Variants in IQSEC1 observed in about 807,000 individuals in gnomAD.
IQSEC1 encodes the protein IQ motif and Sec7 domain ArfGEF 1, also known as IQ motif and SEC7 domain-containing protein 1.
Under a neutral mutation model 91.0 loss-of-function variants are expected in IQSEC1, and 31 were observed. The observed-to-expected ratio is 0.34, with a 90% confidence interval of 0.26 to 0.46. The LOEUF (loss-of-function observed/expected upper bound fraction) is 0.46, where lower values mean the gene tolerates loss of function less well. Ranked by LOEUF, IQSEC1 falls within the 20% of genes least tolerant of loss-of-function variation. The probability of loss-of-function intolerance (pLI) is 1.00; values close to 1 mark genes in which losing one functional copy is unlikely to be tolerated. For synonymous variants in IQSEC1, 699 were observed against 662.6 expected (o/e 1.05, Z -0.84); for missense variants, 1,388 against 1,575.6 (o/e 0.88, Z 2.02).
intron 6 of IQSEC1, among the ~76,000 whole-genome samples, chr3:12,919,747 T>C (rs1374140943): frequency 6.6e-6 from 1 of 152,224 alleles, no homozygotes; most frequent in Non-Finnish European, 1.5e-5. Context: ...ATGCGGTGCC[T>C]TCCTCCTTCC....
chr3:13,275,093 C>A (rs956839019), intron 1 of IQSEC1, among the ~76,000 whole-genome samples: 6 of 152,202 alleles, frequency 3.9e-5, no homozygotes, highest in Admixed American at 3.3e-4. Context: ...CTTCTTTGAG[C>A]CTCAGGTTTC....
At chr3:12,918,749 G>A (rs1696343766) in intron 6 of IQSEC1, among the ~76,000 whole-genome samples, 1 of 152,184 alleles carries the variant, frequency 6.6e-6, no homozygotes, top group South Asian at 2.1e-4. Context: ...TTGAGCCTGG[G>A]AGGTCAAGGC....
intron 1 of IQSEC1, among the ~76,000 whole-genome samples, chr3:13,071,698 C>T (rs774359437): frequency 6.6e-6 from 1 of 152,182 alleles, no homozygotes; most frequent in Admixed American, 6.5e-5. Flanking sequence ...TCACAGCGAA[C>T]CAGAGGCCAC....
Position 12,936,255 on chromosome 3 carries a change from G to GC in IQSEC1, c.760dup (p.Ala254GlyfsTer35). 1 of 1,613,322 alleles carries GC rather than the reference G, an allele frequency of 6.2e-7. No individual in the cohort carries two copies. The stretch of plus-strand genomic sequence containing the variant: ...GGCCCGCGCCGCATCCAGGGCCGGT[G>GC]CCTCCTCAGTGTGCAGGCTGCGGCA... On this transcript the variant is annotated frameshift_variant, in exon 3 of 14. Transcript: ENST00000613206. LOFTEE classifies it high-confidence loss of function.
chr3:13,263,565 C>A (rs866848240), intron 1 of IQSEC1, among the ~76,000 whole-genome samples: 1 of 152,082 alleles, frequency 6.6e-6, no homozygotes, highest in Non-Finnish European at 1.5e-5. Flanking sequence ...GCCTCATCCT[C>A]CCAAGTAGCT....
intron 2 of IQSEC1, among the ~76,000 whole-genome samples, chr3:13,162,424 T>C (rs780743904): frequency 1.3e-5 from 2 of 152,162 alleles, no homozygotes; most frequent in African/African-American, 2.4e-5. Flanking sequence ...GCCCCAGGGA[T>C]TGGCAACCCA....
chr3:13,129,250 T>C (rs1350474580), intron 2 of IQSEC1, among the ~76,000 whole-genome samples: 1 of 152,220 alleles, frequency 6.6e-6, no homozygotes, highest in African/African-American at 2.4e-5. Flanking sequence ...TTTTTGTTGT[T>C]GTTGTTTATT....
At chr3:13,102,301 T>A (rs951825343) in intron 2 of IQSEC1, among the ~76,000 whole-genome samples, 14 of 151,580 alleles carry the variant, frequency 9.2e-5, no homozygotes, top group Admixed American at 5.2e-4. Flanking sequence ...ATAATAATAA[T>A]AAATAACCTC....
At chr3:13,070,824 C>T (rs1705389768) in intron 1 of IQSEC1, among the ~76,000 whole-genome samples, 1 of 152,230 alleles carries the variant, frequency 6.6e-6, no homozygotes, top group Non-Finnish European at 1.5e-5. Context: ...GCCAGCCCCT[C>T]TCTTAGGCAG....
At chr3:13,090,594 G>A (rs1195645861) in intron 2 of IQSEC1, among the ~76,000 whole-genome samples, 1 of 152,172 alleles carries the variant, frequency 6.6e-6, no homozygotes, top group Non-Finnish European at 1.5e-5. Context: ...GACAGGCCTG[G>A]TGCAGGGGCA....
chr3:12,969,536 G>A lies in IQSEC1; in HGVS notation c.24-27671C>T, dbSNP rs576735815. 5.9e-5 allele frequency among the ~76,000 whole-genome samples: 9 copies of A among 152,382 alleles called. No homozygotes were observed. In the South Asian group the frequency reaches 1.7e-3, roughly 28 times the overall value. ...TTAGGGTAGGGGTAGGAAGCTGGGAGAGGATAGGGTACACATGACCCAGTT... is the reference window on the plus strand; with the variant it reads ...TTAGGGTAGGGGTAGGAAGCTGGGAAAGGATAGGGTACACATGACCCAGTT... On this transcript the variant is annotated intron_variant, in intron 1 of 13. Coordinates refer to ENST00000613206, the MANE Select transcript of IQSEC1 (RefSeq NM_001134382.3).
At chr3:13,089,955 C>T (rs562358133) in intron 2 of IQSEC1, among the ~76,000 whole-genome samples, 30 of 152,354 alleles carry the variant, frequency 2.0e-4, no homozygotes, top group African/African-American at 7.0e-4. Flanking sequence ...GTGGCTCACG[C>T]CTGTAATCCC....
intron 1 of IQSEC1, among the ~76,000 whole-genome samples, chr3:13,016,911 G>A (rs1576170482): frequency 2.0e-5 from 3 of 152,220 alleles, no homozygotes; most frequent in East Asian, 1.9e-4. Flanking sequence ...CTGGATCACG[G>A]CAAACCTACC....
At chr3:12,990,010 A>T (rs1047315752) in intron 1 of IQSEC1, among the ~76,000 whole-genome samples, 5 of 152,232 alleles carry the variant, frequency 3.3e-5, no homozygotes, top group African/African-American at 1.2e-4. Context: ...CCAAACCCTC[A>T]GTCCACTTGG....
At chr3:13,025,434 T>G (rs1703575640) in intron 1 of IQSEC1, among the ~76,000 whole-genome samples, 1 of 152,164 alleles carries the variant, frequency 6.6e-6, no homozygotes, top group Admixed American at 6.5e-5. Context: ...TCAGGGACTG[T>G]GTGCACTTGA....
At chr3:12,962,228 C>A (rs1472838358) in intron 1 of IQSEC1, among the ~76,000 whole-genome samples, 2 of 152,182 alleles carry the variant, frequency 1.3e-5, no homozygotes, top group African/African-American at 4.8e-5. Context: ...CAACAATGAT[C>A]ACAACTAACA....
chr3:13,134,662 T>C lies in IQSEC1; in HGVS notation c.302+29442A>G, dbSNP rs577437030. Among the ~76,000 whole-genome samples, 4 of 152,272 alleles carry C rather than the reference T, an allele frequency of 2.6e-5. No homozygotes were observed. The South Asian group carries it at 6.2e-4, about 24-fold the overall frequency. ...TGGGTGGCCCTAGAGGTGTGTTGCA[T>C]GAAAGGCAGGAGTTTCCAGGAAGCA... is the stretch of plus-strand genomic sequence containing the variant. On this transcript the variant is annotated intron_variant, in intron 2 of 15. Transcript: ENST00000648114.
Position 12,902,776 on chromosome 3 carries a change from C to T in IQSEC1, c.2802G>A (p.Val934=), listed in dbSNP as rs1261051526. ...GACAGAGGCGCTTCCTACTTACTTC[C>T]ACATTGCTCTCTAGCGATCCCGCAC... ...RSSAGSLESN[V]EGSIISSPHM... The change falls in exon 13 of 14, where the codon GTG becomes GTA. Residue 934 remains valine, a synonymous_variant. Coordinates refer to ENST00000613206, the MANE Select transcript of IQSEC1 (RefSeq NM_001134382.3). The T allele has an allele frequency of 1.9e-6, 3 of 1,610,286 alleles. No individual in the cohort carries two copies. The highest frequency in any genetic ancestry group is 1.7e-6 in the Non-Finnish European group (2 of 1,177,500).
intron 1 of IQSEC1, among the ~76,000 whole-genome samples, chr3:13,218,495 G>T (rs916631794): frequency 3.3e-5 from 5 of 152,242 alleles, no homozygotes; most frequent in African/African-American, 1.2e-4. Flanking sequence ...GTCTTTGGCG[G>T]GAGGTGTGGG....
Sources: allele counts gnomAD v4.1 joint callset (sites outside exome capture counted in the v4.1 genomes callset), GRCh38; gene constraint gnomAD v4.1.1; transcripts MANE v1.5; gene names NCBI Gene and HGNC (gene_info 2026-07-23, HGNC 2026-07-21).